EPB41L4A: variants seen among roughly 807,000 people sequenced by gnomAD.
EPB41L4A encodes band 4.1-like protein 4A.
EPB41L4A carries 100 observed loss-of-function variants against 108.6 expected under a neutral mutation model. That is an observed-to-expected ratio of 0.92 (90% CI 0.78 to 1.09). The LOEUF (loss-of-function observed/expected upper bound fraction) is 1.09. Ranked by LOEUF, EPB41L4A falls within the 50% of genes least tolerant of loss-of-function variation. The pLI, the probability that EPB41L4A is intolerant of heterozygous loss-of-function variation, is 0.00. For synonymous variants in EPB41L4A, 319 were observed against 289.0 expected (o/e 1.10, Z -1.05); for missense variants, 1,030 against 842.7 (o/e 1.22, Z -2.75).
rs1392948092 is a variant in EPB41L4A at position 112,411,961 on chromosome 5, C to T, written c.99+6980G>A. ...AGCTCAGCAACCTGACCCTCACTCA[C>T]GGCCCCCACTGTTCTCTAAACAAAG... On this transcript the variant is annotated intron_variant, in intron 1 of 22. Coordinates refer to ENST00000261486, the MANE Select transcript of EPB41L4A (RefSeq NM_022140.5). Among the ~76,000 whole-genome samples, 10 of 152,194 alleles carry T rather than the reference C, an allele frequency of 6.6e-5. No homozygotes were observed. In the East Asian group the frequency reaches 1.2e-3, roughly 18 times the overall value.
chr5:112,240,549 T>C (rs758102068), intron 10 of EPB41L4A, among the ~76,000 whole-genome samples, 170 bp downstream of exon 10: 11 of 152,208 alleles, frequency 7.2e-5, no homozygotes, highest in Non-Finnish European at 1.3e-4. Context: ...TATCTACACA[T>C]ACATGAATGT....
At chr5:112,346,465 A>AC (rs1276086396) in intron 1 of EPB41L4A, among the ~76,000 whole-genome samples, 6 of 151,866 alleles carry the variant, frequency 4.0e-5, no homozygotes, top group Admixed American at 3.9e-4. Context: ...TTTGTGATCC[A>AC]CCCACCTTAG....
At chr5:112,330,404 T>C (rs866597) in intron 1 of EPB41L4A, among the ~76,000 whole-genome samples, 6,946 of 152,166 alleles carry the variant, frequency 0.046, 503 homozygotes, top group African/African-American at 0.16. Context: ...ATTTTGGTAA[T>C]TTGCTAAATT....
intron 8 of EPB41L4A, 149 bp downstream of exon 8, chr5:112,259,742 A>C: frequency 1.6e-6 from 1 of 642,400 alleles, no homozygotes; most frequent in East Asian, 2.7e-5. Context: ...GCTGAGGTGC[A>C]ACAGGAGAAA....
intron 1 of EPB41L4A, among the ~76,000 whole-genome samples, chr5:112,382,396 T>C (rs1033031898): frequency 2.6e-5 from 4 of 152,300 alleles, no homozygotes; most frequent in Non-Finnish European, 5.9e-5. Context: ...TGACTATACC[T>C]GCAATGACGA....
chr5:112,275,222 G>A, intron 4 of EPB41L4A, 104 bp downstream of exon 4: 1 of 1,363,014 alleles, frequency 7.3e-7, no homozygotes, highest in Non-Finnish European at 9.8e-7. Context: ...CAAAATGCAG[G>A]TAGACACACA....
At chr5:112,245,587 G>T (rs145346759) in intron 9 of EPB41L4A, among the ~76,000 whole-genome samples, 2 of 152,306 alleles carry the variant, frequency 1.3e-5, no homozygotes, top group African/African-American at 2.4e-5. Context: ...TCTGGCTCGG[G>T]TGCTACTAAA....
intron 22 of EPB41L4A, among the ~76,000 whole-genome samples, chr5:112,166,257 G>T (rs551986081): frequency 6.6e-6 from 1 of 152,334 alleles, no homozygotes; most frequent in South Asian, 2.1e-4. Context: ...ACTTAAAGTT[G>T]TACCTTAAAA....
Position 112,419,110 on chromosome 5 carries a change from G to C in EPB41L4A, c.-71C>G, listed in dbSNP as rs943581009. ...GCGCCCAGCCGCCCCCTCCACTCAA[G>C]CGCGATGCATTAATTTATTGTCCGC... On this transcript the variant is annotated 5_prime_UTR_variant, in exon 1 of 23. Coordinates refer to ENST00000261486, the MANE Select transcript of EPB41L4A (RefSeq NM_022140.5). 15 of 1,141,694 alleles carry C rather than the reference G, an allele frequency of 1.3e-5. No individual in the cohort carries two copies. In the African/African-American group the frequency reaches 2.0e-4, roughly 15 times the overall value. The allele number at this position is 1,141,694 out of a possible 1,614,324, so 70.7% of individuals were successfully genotyped here.
intron 1 of EPB41L4A, among the ~76,000 whole-genome samples, chr5:112,382,219 A>G (rs1271502599): frequency 5.9e-5 from 9 of 152,210 alleles, no homozygotes; most frequent in African/African-American, 2.4e-5. Flanking sequence ...AACATATTTT[A>G]AAGAGCAATA....
chr5:112,213,054 G>A (rs1053691295), intron 12 of EPB41L4A, among the ~76,000 whole-genome samples: 4 of 152,124 alleles, frequency 2.6e-5, no homozygotes, highest in African/African-American at 7.2e-5. Flanking sequence ...TTTTCACAAT[G>A]TCTGAATCAT....
At chr5:112,252,528 T>C (rs924547413) in intron 9 of EPB41L4A, among the ~76,000 whole-genome samples, 2 of 152,124 alleles carry the variant, frequency 1.3e-5, no homozygotes, top group African/African-American at 2.4e-5. Flanking sequence ...AGGAGTCAGA[T>C]TGAAAGGGTT....
intron 4 of EPB41L4A, among the ~76,000 whole-genome samples, chr5:112,268,590 C>A (rs550526077): frequency 1.3e-5 from 2 of 151,092 alleles, no homozygotes; most frequent in East Asian, 3.9e-4. Context: ...TGGTTCACAC[C>A]TGTAACCCCA....
chr5:112,397,458 G>A (rs561157446), intron 1 of EPB41L4A, among the ~76,000 whole-genome samples: 14 of 152,198 alleles, frequency 9.2e-5, no homozygotes, highest in Admixed American at 6.5e-4. Flanking sequence ...GTTTGATGCT[G>A]TGCAGAATAT....
Position 112,173,274 on chromosome 5 carries a change from G to A in EPB41L4A, c.1623-2282C>T, listed in dbSNP as rs149180903. ...GGTGAGTGGTATCATGTGAGGGCAT[G>A]CAATTCAAAGCTGAATGCTTTCAGG... On this transcript the variant is annotated intron_variant, in intron 18 of 22. Coordinates refer to ENST00000261486, the MANE Select transcript of EPB41L4A (RefSeq NM_022140.5). Among the ~76,000 whole-genome samples, 853 of 152,308 alleles carry A rather than the reference G, an allele frequency of 5.6e-3. 7 individuals carry two copies. The highest frequency in any genetic ancestry group is 8.3e-3 in the Non-Finnish European group (566 of 68,018).
chr5:112,387,556 G>C (rs922293839), intron 1 of EPB41L4A, among the ~76,000 whole-genome samples: 1 of 152,212 alleles, frequency 6.6e-6, no homozygotes, highest in East Asian at 1.9e-4. Flanking sequence ...GTCAACCTGG[G>C]AGGCGGAGCT....
At chr5:112,360,929 C>G (rs1376543232) in intron 1 of EPB41L4A, among the ~76,000 whole-genome samples, 3 of 152,094 alleles carry the variant, frequency 2.0e-5, no homozygotes, top group African/African-American at 7.2e-5. Context: ...CGCCGCCACT[C>G]CGTCTGGGAG....
At chr5:112,369,650 T>C (rs1483700888) in intron 1 of EPB41L4A, among the ~76,000 whole-genome samples, 4 of 152,212 alleles carry the variant, frequency 2.6e-5, no homozygotes. Context: ...ATCTCCATTG[T>C]ATAACTGCAG....
At chr5:112,404,293 T>C (rs1761953083) in intron 1 of EPB41L4A, among the ~76,000 whole-genome samples, 1 of 152,218 alleles carries the variant, frequency 6.6e-6, no homozygotes. Context: ...ACTATTTAAT[T>C]CAACTCTCCC....
Sources: allele counts gnomAD v4.1 joint callset (sites outside exome capture counted in the v4.1 genomes callset), GRCh38; gene constraint gnomAD v4.1.1; transcripts MANE v1.5; gene names NCBI Gene and HGNC (gene_info 2026-07-23, HGNC 2026-07-21).